Variants in CNTN5 observed in about 807,000 individuals in gnomAD.
CNTN5 encodes the protein contactin 5.
A neutral mutation model predicts 129.1 loss-of-function variants in CNTN5; 77 were observed. The observed-to-expected ratio is 0.60, with a 90% CI of 0.50 to 0.72. The LOEUF is 0.72. CNTN5 is among the 30% of genes least tolerant of loss of function. The pLI is 0.00. For missense variants in CNTN5, 1,478 were observed against 1,328.8 expected (o/e 1.11, Z -1.75); for synonymous variants, 509 against 465.6 (o/e 1.09, Z -1.20).
intron 15 of CNTN5, among the ~76,000 whole-genome samples, chr11:100,199,062 C>T (rs1369109808): frequency 6.6e-6 from 1 of 151,892 alleles, no homozygotes; most frequent in African/African-American, 2.4e-5. Context: ...GTGTAAAAAT[C>T]AATGGAATGC....
chr11:99,357,722 T>G (rs898021537), intron 2 of CNTN5, among the ~76,000 whole-genome samples: 6 of 152,088 alleles, frequency 3.9e-5, no homozygotes, highest in Non-Finnish European at 8.8e-5. Flanking sequence ...AAGTTAACAC[T>G]GCTATTCTTA....
At chr11:100,339,306 G>C (rs1232050202) in intron 21 of CNTN5, among the ~76,000 whole-genome samples, 1 of 152,086 alleles carries the variant, frequency 6.6e-6, no homozygotes, top group Non-Finnish European at 1.5e-5. Context: ...TGAACTGAAT[G>C]ATGGGGAAGG....
intron 23 of CNTN5, among the ~76,000 whole-genome samples, chr11:100,343,018 G>A (rs75072135): frequency 0.028 from 4,240 of 152,134 alleles, 187 homozygotes; most frequent in African/African-American, 0.095. Flanking sequence ...TAAAATGCTT[G>A]GCATATAAAA....
intron 1 of CNTN5, among the ~76,000 whole-genome samples, chr11:99,128,048 C>A (rs565904139): frequency 6.6e-6 from 1 of 152,240 alleles, no homozygotes; most frequent in African/African-American, 2.4e-5. Flanking sequence ...TACAGATGAT[C>A]AACCTCATTC....
intron 1 of CNTN5, among the ~76,000 whole-genome samples, chr11:99,247,509 G>C (rs1401870647): frequency 1.3e-5 from 2 of 151,612 alleles, no homozygotes; most frequent in African/African-American, 4.9e-5. Context: ...TGTGCACAAC[G>C]TGCAGGTTAG....
intron 3 of CNTN5, among the ~76,000 whole-genome samples, chr11:99,589,608 A>G (rs1010059827): frequency 7.9e-5 from 12 of 152,202 alleles, no homozygotes; most frequent in Non-Finnish European, 1.6e-4. Flanking sequence ...CTTCCTATAA[A>G]TATTTAGAAA....
intron 1 of CNTN5, among the ~76,000 whole-genome samples, chr11:99,159,950 A>C (rs539047947): frequency 2.0e-5 from 3 of 152,304 alleles, no homozygotes; most frequent in African/African-American, 7.2e-5. Flanking sequence ...TTGATATTTA[A>C]TATTTATCAA....
chr11:99,740,825 C>A (rs1291774589), intron 3 of CNTN5, among the ~76,000 whole-genome samples: 1 of 152,144 alleles, frequency 6.6e-6, no homozygotes, highest in Non-Finnish European at 1.5e-5. Flanking sequence ...TCCCTTGACA[C>A]CCTTCTAAAA....
chr11:100,324,814 A>G (rs72987669), intron 21 of CNTN5, among the ~76,000 whole-genome samples: 7,872 of 152,220 alleles, frequency 0.052, 268 homozygotes, highest in Middle Eastern at 0.1. Flanking sequence ...TTCTCACCTC[A>G]TATCATCTAA....
chr11:99,506,311 C>T (rs1457436360), intron 2 of CNTN5, among the ~76,000 whole-genome samples: 1 of 152,176 alleles, frequency 6.6e-6, no homozygotes, highest in African/African-American at 2.4e-5. Flanking sequence ...AAAATGTTCT[C>T]TCTTTTTAAT....
intron 3 of CNTN5, among the ~76,000 whole-genome samples, chr11:99,691,188 A>G (rs1193790431): frequency 8.6e-6 from 1 of 116,722 alleles, no homozygotes; most frequent in Admixed American, 8.2e-5. Flanking sequence ...TAATTTTTTC[A>G]AAAAAAAAAC....
intron 13 of CNTN5, among the ~76,000 whole-genome samples, chr11:100,101,641 C>T (rs1043645797): frequency 1.1e-4 from 16 of 151,822 alleles, no homozygotes; most frequent in African/African-American, 3.6e-4. Flanking sequence ...TGGATAATTT[C>T]TTTAGTGGTG....
chr11:99,809,571 T>C (rs903198060), intron 3 of CNTN5, among the ~76,000 whole-genome samples: 3 of 152,144 alleles, frequency 2.0e-5, no homozygotes, highest in African/African-American at 4.8e-5. Context: ...TTGAATTCCA[T>C]TCCTAAATCC....
chr11:100,224,403 C>T (rs1410873151), intron 15 of CNTN5, among the ~76,000 whole-genome samples: 2 of 152,110 alleles, frequency 1.3e-5, no homozygotes, highest in Non-Finnish European at 2.9e-5. Flanking sequence ...GATTATTTCT[C>T]CTATACTTTT....
chr11:99,806,454 T>C (rs973202636), intron 3 of CNTN5, among the ~76,000 whole-genome samples: 9 of 152,128 alleles, frequency 5.9e-5, no homozygotes, highest in African/African-American at 9.7e-5. Context: ...GTATTGTCTT[T>C]AGAGTTATTC....
intron 21 of CNTN5, among the ~76,000 whole-genome samples, chr11:100,332,197 T>G: frequency 6.6e-6 from 1 of 152,036 alleles, no homozygotes; most frequent in Non-Finnish European, 1.5e-5. Context: ...TTCAAGGCTA[T>G]GATGAACACC....
intron 1 of CNTN5, among the ~76,000 whole-genome samples, chr11:99,236,674 A>G (rs1861287817): frequency 6.6e-6 from 1 of 152,238 alleles, no homozygotes; most frequent in Non-Finnish European, 1.5e-5. Context: ...TGGCCAAGTC[A>G]TAAGGCAGAA....
intron 3 of CNTN5, among the ~76,000 whole-genome samples, chr11:99,651,319 G>A (rs1214656426): frequency 6.6e-6 from 1 of 151,854 alleles, no homozygotes; most frequent in African/African-American, 2.4e-5. Context: ...ATTGGAGAGT[G>A]CAGAAAGGGG....
intron 3 of CNTN5, among the ~76,000 whole-genome samples, chr11:99,792,922 C>A (rs1030152011): frequency 1.3e-5 from 2 of 152,072 alleles, no homozygotes; most frequent in Admixed American, 1.3e-4. Flanking sequence ...TGCAGGTGTT[C>A]ATAGTAGTCT....
Sources: allele counts gnomAD v4.1 joint callset (sites outside exome capture counted in the v4.1 genomes callset), GRCh38; gene constraint gnomAD v4.1.1; transcripts MANE v1.5; gene names NCBI Gene and HGNC (gene_info 2026-07-23, HGNC 2026-07-21).